The following EPB41L5 variants were observed in gnomAD, a reference collection of about 807,000 sequenced individuals.
The protein encoded by EPB41L5 is erythrocyte membrane protein band 4.1 like 5.
Under a neutral mutation model 106.6 loss-of-function variants are expected in EPB41L5, and 55 were observed. That is an observed-to-expected ratio of 0.52 (90% CI 0.42 to 0.65). The LOEUF is 0.65. Among genes scored for constraint, EPB41L5 ranks in the 30% least tolerant of loss-of-function variants. EPB41L5 has a pLI of 0.00. For synonymous variants in EPB41L5, 297 were observed against 306.7 expected (o/e 0.97, Z 0.33); for missense variants, 871 against 882.1 (o/e 0.99, Z 0.16).
intron 2 of EPB41L5, among the ~76,000 whole-genome samples, chr2:120,031,179 A>G (rs1418692373): frequency 6.6e-6 from 1 of 152,168 alleles, no homozygotes. Flanking sequence ...CCAGCCTCCA[A>G]TTATCAGTAA....
chr2:120,163,267 C>G (rs12469237), intron 21 of EPB41L5, among the ~76,000 whole-genome samples: 7 of 139,444 alleles, frequency 5.0e-5, no homozygotes, highest in Admixed American at 4.2e-4. Flanking sequence ...TGCCCCCCCC[C>G]CCCCCAAAAA....
intron 2 of EPB41L5, among the ~76,000 whole-genome samples, chr2:120,037,814 A>G (rs1352070003): frequency 6.6e-6 from 1 of 152,220 alleles, no homozygotes; most frequent in Non-Finnish European, 1.5e-5. Context: ...TTTTCAACAA[A>G]TGGTGATGAG....
At chr2:120,142,371 T>G (rs1686211639) in intron 18 of EPB41L5, among the ~76,000 whole-genome samples, 1 of 152,122 alleles carries the variant, frequency 6.6e-6, no homozygotes, top group Non-Finnish European at 1.5e-5. Flanking sequence ...GTTCTTTATC[T>G]TCAAATTTTA....
At chr2:120,097,934 A>G (rs1430810387) in intron 14 of EPB41L5, among the ~76,000 whole-genome samples, 1 of 152,212 alleles carries the variant, frequency 6.6e-6, no homozygotes, top group Non-Finnish European at 1.5e-5. Context: ...TTGATCACCT[A>G]CTAAAGTTAT....
intron 14 of EPB41L5, among the ~76,000 whole-genome samples, chr2:120,099,810 A>C (rs934786170): frequency 1.3e-5 from 2 of 152,192 alleles, no homozygotes; most frequent in Admixed American, 6.5e-5. Flanking sequence ...TAAACCTTTT[A>C]TACTAAGGCC....
chr2:120,073,361 A>G, intron 4 of EPB41L5, 141 bp downstream of exon 4: 1 of 711,884 alleles, frequency 1.4e-6, no homozygotes, highest in South Asian at 2.0e-5. Flanking sequence ...TTATTCTGAT[A>G]CACTGAGCTA....
intron 2 of EPB41L5, among the ~76,000 whole-genome samples, chr2:120,021,496 C>G (rs531550801): frequency 7.6e-4 from 115 of 152,148 alleles, no homozygotes; most frequent in African/African-American, 2.8e-3. Flanking sequence ...TACAAAATAG[C>G]TGGGTGTGGT....
chr2:120,125,488 C>G (rs1157447137), intron 16 of EPB41L5, among the ~76,000 whole-genome samples: 2 of 152,112 alleles, frequency 1.3e-5, no homozygotes, highest in African/African-American at 2.4e-5. Flanking sequence ...AAGAACACTC[C>G]CTGTGCCACC....
chr2:120,019,444 G>A (rs1409476843), intron 2 of EPB41L5, among the ~76,000 whole-genome samples, 180 bp downstream of exon 2: 1 of 152,170 alleles, frequency 6.6e-6, no homozygotes, highest in East Asian at 1.9e-4. Flanking sequence ...AAAAGTACTT[G>A]GATTGGTGGT....
At position 120,107,170 on chromosome 2, in the gene EPB41L5, G is replaced by A. The variant is rs527475415; in HGVS notation, c.1337+6356G>A. On this transcript the variant is annotated intron_variant, in intron 16 of 24. Transcript: ENST00000263713. ...ATGTAAACTGAACAAGTTTGAAGGT[G>A]GTTGTCCCCTATTAGTTCATCGTGC... 3.9e-5 allele frequency among the ~76,000 whole-genome samples: 6 copies of A among 152,152 alleles called. No individual in the cohort carries two copies. In the South Asian group the frequency reaches 1.0e-3, roughly 26 times the overall value.
rs560929274 is a variant in EPB41L5 at position 120,128,614 on chromosome 2, T to C, written c.1501+763T>C. ...TGAAAAGTCACACAGTGCTTCTGAT[T>C]AATAGAACATGTTGAAGTATGACTG... On this transcript the variant is annotated intron_variant, in intron 17 of 24. Transcript: ENST00000263713. Among the ~76,000 whole-genome samples, 4 of 152,202 alleles carry C rather than the reference T, an allele frequency of 2.6e-5. No homozygotes were observed. The South Asian group carries it at 8.3e-4, about 32-fold the overall frequency.
intron 16 of EPB41L5, among the ~76,000 whole-genome samples, chr2:120,109,596 A>G (rs1248278526): frequency 6.6e-6 from 1 of 152,182 alleles, no homozygotes; most frequent in Non-Finnish European, 1.5e-5. Context: ...CCTCACCTCA[A>G]GTTACTCAAG....
In EPB41L5 at chr2:120,019,206, C is replaced by G. The variant is rs1677756001; in HGVS notation, c.122C>G (p.Ser41Cys). Reference sequence around the variant, plus strand: ...ATTCCTGCAGCTGGAGATTCTAAGTCCATCATCACGTGTCGGGTGTCCCTT... The same window carrying G: ...ATTCCTGCAGCTGGAGATTCTAAGTGCATCATCACGTGTCGGGTGTCCCTT... ...THIPAAGDSK[S>C]IITCRVSLLD... The change falls in exon 2 of 25, where the codon TCC becomes TGC. Residue 41 changes from serine to cysteine, a missense_variant. Coordinates refer to ENST00000263713, the MANE Select transcript of EPB41L5 (RefSeq NM_020909.4). 11 of 1,613,734 alleles carry G rather than the reference C, an allele frequency of 6.8e-6. No individual in the cohort carries two copies. Among genetic ancestry groups the G allele is most frequent in the Non-Finnish European group, 9.3e-6 (11 of 1,179,978 alleles).
In EPB41L5 at chr2:120,176,751, C is replaced by T. The variant is rs1687931205; in HGVS notation, c.*1844C>T. 1 of 152,178 alleles carries T rather than the reference C, an allele frequency of 6.6e-6. No individual in the cohort carries two copies. The highest frequency in any genetic ancestry group is 6.5e-5 in the Admixed American group (1 of 15,282). 9.4% of individuals were successfully genotyped at this position (152,178 alleles called of 1,614,324 possible). On this transcript the variant is annotated 3_prime_UTR_variant, in exon 25 of 25. Coordinates refer to ENST00000263713, the MANE Select transcript of EPB41L5 (RefSeq NM_020909.4). ...TCAGTGTCTTGGCAACCGTAGATGT[C>T]CTACAGGGTTACCGTTGTGCTGCTC...
intron 1 of EPB41L5, among the ~76,000 whole-genome samples, chr2:120,016,871 GA>G (rs1677561784): frequency 2.0e-5 from 3 of 151,316 alleles, no homozygotes; most frequent in Admixed American, 6.6e-5. Context: ...GAAATACCTG[GA>G]AAAAAAAATC....
Position 120,093,116 on chromosome 2 carries a change from T to C in EPB41L5, c.1151-133T>C, listed in dbSNP as rs1261593020. Reference sequence around the variant, plus strand: ...ATCTCTACAAAATCATGAAAGACCCTTTCTCAAAGAAATAAATTTATGGTT... The same window carrying C: ...ATCTCTACAAAATCATGAAAGACCCCTTCTCAAAGAAATAAATTTATGGTT... On this transcript the variant is annotated intron_variant, in intron 13 of 24. Coordinates refer to ENST00000263713, the MANE Select transcript of EPB41L5 (RefSeq NM_020909.4). 1.0e-5 allele frequency: 8 copies of C among 793,498 alleles called. No homozygotes were observed. In the East Asian group the frequency reaches 2.0e-4, roughly 20 times the overall value. The allele number at this position is 793,498 out of a possible 1,614,324, so 49.2% of individuals were successfully genotyped here.
intron 13 of EPB41L5, 96 bp from the exon 14 acceptor site, chr2:120,093,153 C>A (rs1397556044): frequency 1.5e-5 from 15 of 987,972 alleles, no homozygotes; most frequent in Non-Finnish European, 2.4e-5. Context: ...TGAAACATGG[C>A]TTGTAAAGCA....
chr2:120,165,541 G>A (rs1438878388), intron 22 of EPB41L5, among the ~76,000 whole-genome samples: 1 of 152,172 alleles, frequency 6.6e-6, no homozygotes, highest in African/African-American at 2.4e-5. Context: ...CACATGTTCA[G>A]TACAGACACA....
chr2:120,034,278 T>A (rs1318893469), intron 2 of EPB41L5, among the ~76,000 whole-genome samples: 3 of 152,210 alleles, frequency 2.0e-5, no homozygotes, highest in African/African-American at 4.8e-5. Context: ...AACACAACTG[T>A]TGTATTTCAA....
Sources: gnomAD v4.1 joint callset for allele counts (sites outside exome capture counted in the v4.1 genomes callset) on GRCh38, gnomAD v4.1.1 for gene constraint, MANE v1.5 for transcripts, NCBI Gene and HGNC (gene_info 2026-07-23, HGNC 2026-07-21) for gene names.